The following ABL1 variants were observed in gnomAD, a reference collection of about 807,000 sequenced individuals.
ABL1 encodes tyrosine-protein kinase ABL1.
A neutral mutation model predicts 94.7 loss-of-function variants in ABL1; 11 were observed. The ratio of observed to expected loss-of-function variants is 0.12; its 90% CI spans 0.07 to 0.19. ABL1 has a LOEUF of 0.19. Ranked by LOEUF, ABL1 falls within the 10% of genes least tolerant of loss-of-function variation. ABL1 has a pLI of 1.00. For synonymous variants in ABL1, 656 were observed against 622.4 expected (o/e 1.05, Z -0.80); for missense variants, 1,082 against 1,489.4 (o/e 0.73, Z 4.50).
chr9:130,723,552 T>TA (rs1156488160), intron 1 of ABL1, among the ~76,000 whole-genome samples: 1 of 151,968 alleles, frequency 6.6e-6, no homozygotes, highest in East Asian at 1.9e-4. Context: ...CCTTTAAAAG[T>TA]AAAAAACAAA....
rs1316199892 is a variant in ABL1, at chr9:130,884,168, C to G, written c.1878C>G (p.Gly626=). The change falls in exon 11 of 11, where the codon GGC becomes GGG. Residue 626 remains glycine, a synonymous_variant. Transcript: ENST00000318560. This position sits in a 1 kb window ranked among gnomAD's most constrained non-coding sequence, Gnocchi z 5.6. ...KRSSSFREMD[G]QPERRGAGEE... ...GCAGCTCCTTCCGGGAGATGGACGG[C>G]CAGCCGGAGCGCAGAGGGGCCGGCG... 6.2e-7 allele frequency: 1 copy of G among 1,612,870 alleles called. No individual in the cohort carries two copies. Among genetic ancestry groups the G allele is most frequent in the South Asian group, 1.1e-5 (1 of 90,970 alleles).
intron 1 of ABL1, among the ~76,000 whole-genome samples, chr9:130,753,924 C>T (rs1832006107): frequency 6.6e-6 from 1 of 151,658 alleles, no homozygotes; most frequent in South Asian, 2.1e-4. Context: ...TATTTATTGT[C>T]GCTGGGCGCG....
chr9:130,860,221 A>G (rs1831050605), intron 3 of ABL1, among the ~76,000 whole-genome samples: 1 of 152,198 alleles, frequency 6.6e-6, no homozygotes, highest in South Asian at 2.1e-4. Flanking sequence ...ACCAGCCTTG[A>G]CTGTTAGTGG....
chr9:130,768,240 C>T (rs548063716), intron 1 of ABL1, among the ~76,000 whole-genome samples: 1 of 152,288 alleles, frequency 6.6e-6, no homozygotes, highest in Admixed American at 6.5e-5. Context: ...GGAAGACTGG[C>T]AGCAGGATTT....
rs1474577147 is a variant in ABL1, at chr9:130,884,928, C to G, written c.2638C>G (p.His880Asp). ...GGAGTCCAGAGTGAGGAGGCACAAG[C>G]ACTCCTCTGAGTCGCCAGGGAGGGA... The part of the protein sequence containing the change: ...AEESRVRRHK[H>D]SSESPGRDKG... The change falls in exon 11 of 11, where the codon CAC (histidine) becomes GAC (aspartate). Residue 880 changes from histidine (H) to aspartate (D), a missense_variant. By Grantham distance (81) the His-to-Asp change is moderately conservative. This residue lies in a region of ABL1 where 780 missense variants were observed against 835.8 expected (regional missense o/e 0.93). Transcript: ENST00000318560. The surrounding 1 kb of genome is among the most constrained non-coding windows in gnomAD (Gnocchi z 5.6). 1.9e-6 allele frequency: 3 copies of G among 1,611,502 alleles called. No individual in the cohort carries two copies. The Admixed American group carries it at 5.0e-5, about 27-fold the overall frequency.
At chr9:130,834,325 C>T (rs1334424458), upstream of ABL1, among the ~76,000 whole-genome samples, 1 of 152,176 alleles carries the variant, frequency 6.6e-6, no homozygotes, top group African/African-American at 2.4e-5. Flanking sequence ...GAAATAAATT[C>T]CTTTTCCTGT....
chr9:130,805,324 C>CAA (rs1830110952), intron 1 of ABL1, among the ~76,000 whole-genome samples: 1 of 152,204 alleles, frequency 6.6e-6, no homozygotes, highest in African/African-American at 2.4e-5. Context: ...GTGATTCACC[C>CAA]ACCTCGGCCT....
At chr9:130,722,108 A>G (rs934281444) in intron 1 of ABL1, among the ~76,000 whole-genome samples, 1 of 151,154 alleles carries the variant, frequency 6.6e-6, no homozygotes, top group Non-Finnish European at 1.5e-5. Flanking sequence ...GGTTATTTGG[A>G]CAGGCTGGGC....
At chr9:130,807,366 A>G (rs913228596) in intron 1 of ABL1, among the ~76,000 whole-genome samples, 1 of 151,418 alleles carries the variant, frequency 6.6e-6, no homozygotes, top group Non-Finnish European at 1.5e-5. Context: ...CTCATGCCTC[A>G]GCCTCTTGAG....
chr9:130,737,258 A>C (rs564982803), intron 1 of ABL1, among the ~76,000 whole-genome samples: 1 of 152,074 alleles, frequency 6.6e-6, no homozygotes, highest in Non-Finnish European at 1.5e-5. Flanking sequence ...ATTTAAAAAA[A>C]AATTTATTTT....
rs12005879 is a variant in ABL1, at chr9:130,862,262, G to A, written c.550-501G>A. ...TTCCTGTTCTCAACATTGGAATGAAGACAGCTTAGGGTTCTGCTTTCATGA... is the reference window on the plus strand; with the variant it reads ...TTCCTGTTCTCAACATTGGAATGAAAACAGCTTAGGGTTCTGCTTTCATGA... On this transcript the variant is annotated intron_variant, in intron 3 of 10. Transcript: ENST00000318560. This position sits in a 1 kb window ranked among gnomAD's most constrained non-coding sequence, Gnocchi z 5.5. Among the ~76,000 whole-genome samples, 20,585 of 152,216 alleles carry A rather than the reference G, an allele frequency of 0.14. 2,933 individuals are homozygous for A. The highest frequency in any genetic ancestry group is 0.36 in the African/African-American group (14,757 of 41,492).
In ABL1 at chr9:130,884,972, G is replaced by A. The variant is rs1355582091; in HGVS notation, c.2682G>A (p.Arg894=). The change falls in exon 11 of 11, where the codon AGG becomes AGA. Residue 894 remains arginine (R), a synonymous_variant. Coordinates refer to ENST00000318560, the MANE Select transcript of ABL1 (RefSeq NM_005157.6). The surrounding 1 kb of genome is among the most constrained non-coding windows in gnomAD (Gnocchi z 5.6). Reference sequence around the variant, plus strand: ...GGAGGGACAAGGGGAAATTGTCCAGGCTCAAACCTGCCCCGCCGCCCCCAC... The same window carrying A: ...GGAGGGACAAGGGGAAATTGTCCAGACTCAAACCTGCCCCGCCGCCCCCAC... ...SPGRDKGKLS[R]LKPAPPPPPA... 1 of 1,610,770 alleles carries A rather than the reference G, an allele frequency of 6.2e-7. No individual in the cohort carries two copies. The highest frequency in any genetic ancestry group is 8.5e-7 in the Non-Finnish European group (1 of 1,179,344).
chr9:130,783,650 GTTTGTTTGTTT>G (rs1829785772), intron 1 of ABL1, among the ~76,000 whole-genome samples: 1 of 151,894 alleles, frequency 6.6e-6, no homozygotes, highest in African/African-American at 2.4e-5. Context: ...TTGTTTGTTT[GTTTGTTTGTTT>G]TTTGTTTTTT....
At chr9:130,740,879 C>T (rs1831808744) in intron 1 of ABL1, among the ~76,000 whole-genome samples, 1 of 133,796 alleles carries the variant, frequency 7.5e-6, no homozygotes, top group Non-Finnish European at 1.5e-5. Flanking sequence ...CTCCTGGTGG[C>T]CTCAAGGGAT....
chr9:130,771,230 A>ATGTG (rs368013778), intron 1 of ABL1, among the ~76,000 whole-genome samples: 8 of 145,304 alleles, frequency 5.5e-5, no homozygotes, highest in Non-Finnish European at 1.0e-4. Flanking sequence ...GTATGTATGT[A>ATGTG]TGTGTGTGTG....
intron 1 of ABL1, among the ~76,000 whole-genome samples, chr9:130,719,731 A>G (rs1588209329): frequency 1.3e-5 from 2 of 152,256 alleles, no homozygotes; most frequent in South Asian, 4.1e-4. Flanking sequence ...TCATAGGCTG[A>G]TCTTTCTAGA....
intron 1 of ABL1, among the ~76,000 whole-genome samples, chr9:130,754,099 G>A (rs1832008954): frequency 6.6e-6 from 1 of 151,500 alleles, no homozygotes. Flanking sequence ...TCAGCTACTT[G>A]GGAGGCTGAG....
chr9:130,750,474 C>T (rs1315594347), intron 1 of ABL1, among the ~76,000 whole-genome samples: 1 of 119,936 alleles, frequency 8.3e-6, no homozygotes, highest in East Asian at 2.9e-4. Flanking sequence ...TCTTTTTTGA[C>T]AGAGTCTCAC....
intron 1 of ABL1, among the ~76,000 whole-genome samples, chr9:130,837,145 G>C (rs1402027759): frequency 6.6e-6 from 1 of 152,198 alleles, no homozygotes; most frequent in Non-Finnish European, 1.5e-5. Context: ...TCTAGGTGGA[G>C]TGGGCTCACA....
Sources: allele counts gnomAD v4.1 joint callset (sites outside exome capture counted in the v4.1 genomes callset), GRCh38; gene constraint gnomAD v4.1.1; regional missense constraint gnomAD v4.1.1; non-coding constraint Gnocchi (gnomAD v3.1); transcripts MANE v1.5; gene names NCBI Gene and HGNC (gene_info 2026-07-23, HGNC 2026-07-21).